Variants in PRDM14 observed in about 807,000 individuals in gnomAD.
PRDM14 encodes PR domain zinc finger protein 14.
In PRDM14, 16 loss-of-function variants were observed where a neutral mutation model predicts 48.0. That is an observed-to-expected ratio of 0.33 (90% confidence interval 0.23 to 0.51). PRDM14 has a LOEUF of 0.51. PRDM14 is among the 20% of genes least tolerant of loss of function. The pLI is 0.97. For synonymous variants in PRDM14, 264 were observed against 276.6 expected (o/e 0.95, Z 0.45); for missense variants, 566 against 719.6 (o/e 0.79, Z 2.44).
intron 6 of PRDM14, 88 bp from the exon 7 acceptor site, chr8:70,055,489 A>G (rs1486313441): frequency 4.2e-6 from 3 of 719,720 alleles, no homozygotes; most frequent in Non-Finnish European, 7.1e-6. Context: ...GTTAGAGAAG[A>G]ACTCTTTTCC....
At position 70,068,221 on chromosome 8, in the gene PRDM14, C is replaced by G. The variant is rs1397605031; in HGVS notation, c.912+9G>C. ...TTTTCAGCAGCAGACCCACCAGAAA[C>G]AGATTTACCTCCCACATCACAGAAT... On this transcript the variant is annotated intron_variant, in intron 4 of 7. Transcript: ENST00000276594. 3 of 1,614,092 alleles carry G rather than the reference C, an allele frequency of 1.9e-6. No individual in the cohort carries two copies. The highest frequency in any genetic ancestry group is 3.3e-5 in the Admixed American group (2 of 60,020).
At chr8:70,055,680 A>G (rs553411051) in intron 6 of PRDM14, among the ~76,000 whole-genome samples, 1 of 151,382 alleles carries the variant, frequency 6.6e-6, no homozygotes, top group African/African-American at 2.4e-5. Flanking sequence ...AACTTAAAAA[A>G]TTTTTTTTTG....
chr8:70,060,227 C>G (rs778181986), intron 5 of PRDM14, among the ~76,000 whole-genome samples: 8 of 151,796 alleles, frequency 5.3e-5, no homozygotes, highest in Non-Finnish European at 1.0e-4. Context: ...ATAGTAAGAC[C>G]CCATCTCTAC....
rs376967386 is a variant in PRDM14 at position 70,052,053 on chromosome 8, C to A, written c.*24G>T. The A allele has an allele frequency of 6.6e-7, 1 of 1,521,620 alleles. No individual in the cohort carries two copies. The highest frequency in any genetic ancestry group is 9.0e-7 in the Non-Finnish European group (1 of 1,109,520). The allele number at this position is 1,521,620 out of a possible 1,614,324, so 94.3% of individuals were successfully genotyped here. On this transcript the variant is annotated 3_prime_UTR_variant, in exon 8 of 8. Transcript: ENST00000276594. ...CCTCCCAAAGTGCTGGGATTACAGGCGTGAGTCATTGTGCCTGGCAGGGCT... is the reference window on the plus strand; with the variant it reads ...CCTCCCAAAGTGCTGGGATTACAGGAGTGAGTCATTGTGCCTGGCAGGGCT...
chr8:70,051,790 G>GTTTTGTTTTGTTTTT lies in PRDM14; in HGVS notation c.*286_*287insAAAAACAAAACAAAA. On this transcript the variant is annotated 3_prime_UTR_variant, in exon 8 of 8. Coordinates refer to ENST00000276594, the MANE Select transcript of PRDM14 (RefSeq NM_024504.4). ...CATTTTTTTTGTTTTGTTTTGTTTT[G>GTTTTGTTTTGTTTTT]AGACAGGGTCTGGTTCTGTCACCCA... 1 of 322,692 alleles carries GTTTTGTTTTGTTTTT rather than the reference G, an allele frequency of 3.1e-6. No homozygotes were observed. The highest frequency in any genetic ancestry group is 4.4e-5 in the Admixed American group (1 of 22,984). The allele number at this position is 322,692 out of a possible 1,614,324, so 20.0% of individuals were successfully genotyped here.
At chr8:70,060,993 GA>G (rs1483530153) in intron 5 of PRDM14, among the ~76,000 whole-genome samples, 13 of 152,212 alleles carry the variant, frequency 8.5e-5, no homozygotes, top group Non-Finnish European at 7.3e-5. Context: ...GGGTTACCGT[GA>G]TGACTAATTT....
chr8:70,055,969 G>A (rs769266537), intron 6 of PRDM14, among the ~76,000 whole-genome samples: 1 of 152,188 alleles, frequency 6.6e-6, no homozygotes, highest in Non-Finnish European at 1.5e-5. Context: ...CAAAATACCT[G>A]CTCTGCCTTC....
chr8:70,061,971 A>G (rs1053460530), intron 5 of PRDM14, among the ~76,000 whole-genome samples: 2 of 152,128 alleles, frequency 1.3e-5, no homozygotes, highest in Admixed American at 1.3e-4. Flanking sequence ...CCTACCACCA[A>G]TCCCCACCAA....
chr8:70,067,639 A>C lies in PRDM14; in HGVS notation c.912+591T>G, dbSNP rs183007801. ...ACCCTAGGATTAACATATTCCACAT[A>C]GCCTCAATTTCAGATTATTTTCCTG... On this transcript the variant is annotated intron_variant, in intron 4 of 7. Transcript: ENST00000276594. 7.2e-5 allele frequency among the ~76,000 whole-genome samples: 11 copies of C among 152,242 alleles called. No homozygotes were observed. In the East Asian group the frequency reaches 2.1e-3, roughly 29 times the overall value.
In PRDM14 at chr8:70,069,640, G is replaced by T; in HGVS notation, c.221C>A (p.Ala74Glu). Residue 74 changes from alanine to glutamate, a missense_variant, in exon 2 of 8, where the codon GCG becomes GAG. By Grantham distance (107) the Ala-to-Glu change is moderately radical. Around this residue, in one of 3 missense-constraint regions of PRDM14, gnomAD observed 410 missense variants for 424.6 expected, o/e 0.97. Transcript: ENST00000276594. ...PAMPPFPFRM[A>E]PPLLSPGLGL... ...CAGACCCGGGCTCAGCAAGGGAGGC[G>T]CCATCCGGAAGGGGAAGGGGGGCAT... The T allele has an allele frequency of 6.4e-7, 1 of 1,570,220 alleles. No individual in the cohort carries two copies. Among genetic ancestry groups the T allele is most frequent in the Non-Finnish European group, 8.6e-7 (1 of 1,158,012 alleles).
At chr8:70,058,236 A>G (rs1805513924) in intron 6 of PRDM14, among the ~76,000 whole-genome samples, 1 of 152,326 alleles carries the variant, frequency 6.6e-6, no homozygotes, top group East Asian at 1.9e-4. Flanking sequence ...AACAAGGCGC[A>G]GTTCCCCAGG....
intron 7 of PRDM14, among the ~76,000 whole-genome samples, chr8:70,054,048 A>G (rs1585646469): frequency 6.6e-6 from 1 of 152,240 alleles, no homozygotes; most frequent in Non-Finnish European, 1.5e-5. Context: ...TACTAATTGA[A>G]ATAGCCACAT....
chr8:70,054,561 T>TCAGG (rs1328612236), intron 7 of PRDM14, among the ~76,000 whole-genome samples: 2 of 143,046 alleles, frequency 1.4e-5, no homozygotes, highest in Admixed American at 1.5e-4. Flanking sequence ...ACTTTGCCAC[T>TCAGG]CAGGCTGGAG....
intron 5 of PRDM14, among the ~76,000 whole-genome samples, chr8:70,061,843 A>C (rs963908951): frequency 6.6e-6 from 1 of 151,876 alleles, no homozygotes; most frequent in African/African-American, 2.4e-5. Flanking sequence ...CCCAAAACAC[A>C]CACCCAAATT....
chr8:70,068,652 T>C (rs1210169458), intron 2 of PRDM14, 120 bp from the exon 3 acceptor site: 1 of 831,454 alleles, frequency 1.2e-6, no homozygotes, highest in Admixed American at 2.2e-5. Context: ...TATTTATTTG[T>C]TGTTTCTATT....
chr8:70,068,467 A>G lies in PRDM14; in HGVS notation c.754+12T>C, dbSNP rs754346523. 2 of 1,614,054 alleles carry G rather than the reference A, an allele frequency of 1.2e-6. No individual in the cohort carries two copies. The highest frequency in any genetic ancestry group is 1.7e-6 in the Non-Finnish European group (2 of 1,179,882). ...TTCAGGGAAAGAAATCCATGCAAGG[A>G]GTCCTGCCTACCTTCTGGAAGTTGA... On this transcript the variant is annotated intron_variant, in intron 3 of 7. Coordinates refer to ENST00000276594, the MANE Select transcript of PRDM14 (RefSeq NM_024504.4).
chr8:70,058,009 G>A (rs1256207915), intron 6 of PRDM14, among the ~76,000 whole-genome samples: 2 of 152,182 alleles, frequency 1.3e-5, no homozygotes, highest in Admixed American at 6.6e-5. Flanking sequence ...CTGTGCCCAA[G>A]CCTCGTCCTC....
Position 70,058,641 on chromosome 8 carries a change from T to C in PRDM14, c.1385A>G (p.Lys462Arg). 6.2e-7 allele frequency: 1 copy of C among 1,613,210 alleles called. No homozygotes were observed. The highest frequency in any genetic ancestry group is 8.5e-7 in the Non-Finnish European group (1 of 1,179,636). ...LHVHEKHRPH[K>R]CSTCGKCFSQ... ...GTCATGTGTCCTCCTAATACTCACCTTGTGAGGCCGGTGCTTCTCATGAAC... is the reference window on the plus strand; with the variant it reads ...GTCATGTGTCCTCCTAATACTCACCCTGTGAGGCCGGTGCTTCTCATGAAC... Residue 462 changes from lysine to arginine, a missense_variant and splice_region_variant, in exon 6 of 8, where the codon AAG (lysine) becomes AGG (arginine). By Grantham distance (26) the Lys-to-Arg change is conservative (BLOSUM62 2). Transcript: ENST00000276594.
At chr8:70,052,363 C>A (rs1052549813) in intron 7 of PRDM14, 59 bp from the exon 8 acceptor site, 191 of 1,369,748 alleles carry the variant, frequency 1.4e-4, no homozygotes, top group Non-Finnish European at 1.2e-4. Flanking sequence ...GCTGGACAAC[C>A]AATTAAACTA....
Sources: gnomAD v4.1 joint callset for allele counts (sites outside exome capture counted in the v4.1 genomes callset) on GRCh38, gnomAD v4.1.1 for gene constraint, gnomAD v4.1.1 regional missense constraint, MANE v1.5 for transcripts, NCBI Gene and HGNC (gene_info 2026-07-23, HGNC 2026-07-21) for gene names.